The following C4orf36 variants were observed in gnomAD, a reference collection of about 807,000 sequenced individuals.
C4orf36 encodes the protein chromosome 4 open reading frame 36, also known as uncharacterized protein C4orf36.
C4orf36 carries 11 observed loss-of-function variants against 12.2 expected under a neutral mutation model. The ratio of observed to expected loss-of-function variants is 0.90; its 90% CI spans 0.57 to 1.49. The LOEUF (loss-of-function observed/expected upper bound fraction) is 1.49, where lower values mean the gene tolerates loss of function less well. Ranked by LOEUF, C4orf36 falls within the 40% of genes most tolerant of loss-of-function variation. The pLI is 0.00. For synonymous variants in C4orf36, 54 were observed against 51.3 expected (o/e 1.05, Z -0.22); for missense variants, 137 against 133.9 (o/e 1.02, Z -0.11).
chr4:86,911,054 G>C, the C4orf36 span, among the ~76,000 whole-genome samples: 1 of 152,182 alleles, frequency 6.6e-6, no homozygotes, highest in South Asian at 2.1e-4. Context: ...CTGCACTCCA[G>C]CCTGGCGACA....
intron 3 of C4orf36, 103 bp downstream of exon 3, chr4:86,888,018 A>G: frequency 6.5e-7 from 1 of 1,537,616 alleles, no homozygotes; most frequent in Non-Finnish European, 8.8e-7. Flanking sequence ...AGAGCTACAA[A>G]GATAGGAGGT....
chr4:86,918,813 G>A, the C4orf36 span, among the ~76,000 whole-genome samples: 3 of 1,518 alleles, frequency 2.0e-3, no homozygotes, highest in Non-Finnish European at 0.037. Flanking sequence ...GTGTGTGCGT[G>A]TGTGTGTGTG....
At chr4:86,913,708 T>C in the C4orf36 span, 1 of 1,603,018 alleles carries the variant, frequency 6.2e-7, no homozygotes, top group Non-Finnish European at 8.5e-7. Flanking sequence ...CGGCTCCCAC[T>C]GGCAGAGAAG....
the C4orf36 span, among the ~76,000 whole-genome samples, chr4:86,917,421 G>A: frequency 2.8e-5 from 4 of 143,936 alleles, no homozygotes; most frequent in South Asian, 6.6e-4. Flanking sequence ...GGAAGAGAGA[G>A]AGAAAGAAAA....
At chr4:86,881,669 T>G (rs1315344660) in intron 4 of C4orf36, among the ~76,000 whole-genome samples, 3 of 150,052 alleles carry the variant, frequency 2.0e-5, no homozygotes, top group Admixed American at 6.7e-5. Flanking sequence ...TTTCACCATC[T>G]GAAATTTTCT....
At chr4:86,882,926 G>A (rs1747082152) in intron 4 of C4orf36, among the ~76,000 whole-genome samples, 2 of 152,148 alleles carry the variant, frequency 1.3e-5, no homozygotes, top group South Asian at 4.1e-4. Context: ...CGAAGAAAGA[G>A]CACCTTCAGT....
chr4:86,876,437 C>T lies in C4orf36; in HGVS notation c.*9G>A. 1 of 1,613,460 alleles carries T rather than the reference C, an allele frequency of 6.2e-7. No homozygotes were observed. Among genetic ancestry groups the T allele is most frequent in the Non-Finnish European group, 8.5e-7 (1 of 1,179,604 alleles). On this transcript the variant is annotated 3_prime_UTR_variant, in exon 5 of 5. Coordinates refer to ENST00000295898, the MANE Select transcript of C4orf36 (RefSeq NM_144645.4). The stretch of plus-strand genomic sequence containing the variant: ...TGAGTTTCTTCATCTACAATCCGCG[C>T]TTCAGGCTGCGCAAAGGAGAGGGGG...
chr4:86,913,764 G>A, the C4orf36 span: 3 of 1,436,826 alleles, frequency 2.1e-6, no homozygotes, highest in Admixed American at 5.0e-5. Context: ...ACCTAACTCT[G>A]ACATCAGCTG....
the C4orf36 span, among the ~76,000 whole-genome samples, chr4:86,919,315 C>CTTTTTTTTTT: frequency 6.1e-5 from 5 of 81,354 alleles, no homozygotes; most frequent in Admixed American, 1.9e-4. Context: ...TTTTTTCCCC[C>CTTTTTTTTTT]TTTTTTTTTT....
At position 86,892,379 on chromosome 4, in the gene C4orf36, C is replaced by T. The variant is rs1578782031; in HGVS notation, c.-270G>A. 3.0e-6 allele frequency: 3 copies of T among 985,494 alleles called. No individual in the cohort carries two copies. The highest frequency in any genetic ancestry group is 4.7e-5 in the South Asian group (1 of 21,296). 61.0% of individuals were successfully genotyped at this position (985,494 alleles called of 1,614,324 possible). On this transcript the variant is annotated 5_prime_UTR_variant, in exon 1 of 5. Transcript: ENST00000295898. ...CCGCGCACACGCCTCGGGGCCGCGC[C>T]GCAGGCACACGCCTCCTTCCCGCTC...
At chr4:86,909,714 CA>C in the C4orf36 span, among the ~76,000 whole-genome samples, 1 of 152,012 alleles carries the variant, frequency 6.6e-6, no homozygotes, top group Non-Finnish European at 1.5e-5. Flanking sequence ...TCCTTGCTTA[CA>C]ACACCTCAAA....
chr4:86,918,185 C>A, the C4orf36 span, among the ~76,000 whole-genome samples: 1 of 152,196 alleles, frequency 6.6e-6, no homozygotes, highest in African/African-American at 2.4e-5. Flanking sequence ...CCCAAAGGCC[C>A]CACTTCCAAA....
chr4:86,885,581 G>A (rs1747156457), intron 4 of C4orf36, among the ~76,000 whole-genome samples: 3 of 152,170 alleles, frequency 2.0e-5, no homozygotes, highest in African/African-American at 7.2e-5. Context: ...TTGCTTATCA[G>A]CTTAAGGAGA....
chr4:86,880,154 T>G (rs1440578135), intron 4 of C4orf36, among the ~76,000 whole-genome samples: 2 of 152,180 alleles, frequency 1.3e-5, no homozygotes, highest in Non-Finnish European at 2.9e-5. Context: ...GAGCCCAGCC[T>G]ACCAGCAGAT....
At chr4:86,902,319 G>A in the C4orf36 span, among the ~76,000 whole-genome samples, 1 of 149,742 alleles carries the variant, frequency 6.7e-6, no homozygotes, top group Non-Finnish European at 1.5e-5. Context: ...CTACTCAGAA[G>A]GCTGAGGCAG....
intron 3 of C4orf36, 79 bp downstream of exon 3, chr4:86,888,042 C>T (rs919812795): frequency 7.0e-5 from 108 of 1,553,868 alleles, no homozygotes; most frequent in Admixed American, 2.7e-4. Context: ...GGTGTAAATA[C>T]ACAGATTTAA....
chr4:86,928,786 T>C, the C4orf36 span, among the ~76,000 whole-genome samples: 1 of 152,242 alleles, frequency 6.6e-6, no homozygotes, highest in Non-Finnish European at 1.5e-5. Flanking sequence ...ACTCTATGAC[T>C]TTGGGACCTG....
the C4orf36 span, among the ~76,000 whole-genome samples, chr4:86,909,496 A>G: frequency 6.6e-6 from 1 of 152,222 alleles, no homozygotes; most frequent in Admixed American, 6.5e-5. Context: ...CAGGCGCAAC[A>G]ATTAAGGATG....
At chr4:86,887,175 C>G (rs1278733047) in intron 4 of C4orf36, 1 of 152,144 alleles carries the variant, frequency 6.6e-6, no homozygotes, top group Admixed American at 6.6e-5. Context: ...TGATGAGTTA[C>G]TGGATGCAGC....
Sources: allele counts gnomAD v4.1 joint callset (sites outside exome capture counted in the v4.1 genomes callset), GRCh38; gene constraint gnomAD v4.1.1; transcripts MANE v1.5; gene names NCBI Gene and HGNC (gene_info 2026-07-23, HGNC 2026-07-21).